The following EPC2 variants were observed in gnomAD, a reference collection of about 807,000 sequenced individuals.
EPC2 encodes enhancer of polycomb homolog 2.
EPC2 carries 14 observed loss-of-function variants against 92.1 expected under a neutral mutation model. The observed-to-expected ratio is 0.15, with a 90% CI of 0.10 to 0.24. EPC2 has a LOEUF of 0.24. Among genes scored for constraint, EPC2 ranks in the 10% least tolerant of loss-of-function variants. The pLI, the probability that EPC2 is intolerant of heterozygous loss-of-function variation, is 1.00. For synonymous variants in EPC2, 340 were observed against 334.7 expected (o/e 1.02, Z -0.17); for missense variants, 755 against 971.5 (o/e 0.78, Z 2.96).
intron 2 of EPC2, among the ~76,000 whole-genome samples, chr2:148,738,768 C>G (rs1682817860): frequency 6.6e-6 from 1 of 152,176 alleles, no homozygotes; most frequent in Non-Finnish European, 1.5e-5. Context: ...ACATTCCTTT[C>G]TCTTCTGCTT....
intron 1 of EPC2, among the ~76,000 whole-genome samples, chr2:148,652,469 TA>T (rs1680706671): frequency 1.3e-5 from 2 of 152,232 alleles, no homozygotes; most frequent in African/African-American, 2.4e-5. Context: ...TCACACTTAT[TA>T]ATTTTCAAAG....
intron 10 of EPC2, among the ~76,000 whole-genome samples, chr2:148,773,979 T>A (rs1683574657): frequency 6.6e-6 from 1 of 152,052 alleles, no homozygotes. Flanking sequence ...TTGTTCTTAG[T>A]GGGCTTGGTC....
intron 2 of EPC2, 65 bp downstream of exon 2, chr2:148,690,438 C>G: frequency 3.5e-6 from 5 of 1,419,246 alleles, no homozygotes; most frequent in Non-Finnish European, 3.8e-6. Flanking sequence ...GAAATCTTTT[C>G]TTTTGTCTAA....
rs539636699 is a variant in EPC2, at chr2:148,752,592, G to A, written c.460-1335G>A. Among the ~76,000 whole-genome samples, 9 of 152,274 alleles carry A rather than the reference G, an allele frequency of 5.9e-5. No homozygotes were observed. The East Asian group carries it at 1.7e-3, about 29-fold the overall frequency. ...TAAGAGATTGGGTAACCATAGAATG[G>A]CCACTTAGTATTTTAATGCACTAAA... On this transcript the variant is annotated intron_variant, in intron 3 of 13. Transcript: ENST00000258484.
chr2:148,649,632 G>A (rs903397937), intron 1 of EPC2, among the ~76,000 whole-genome samples: 3 of 152,072 alleles, frequency 2.0e-5, no homozygotes, highest in African/African-American at 7.2e-5. Flanking sequence ...AGCCCTGTGA[G>A]GTATTACCAT....
intron 2 of EPC2, among the ~76,000 whole-genome samples, chr2:148,707,154 T>A (rs996184166): frequency 6.6e-6 from 1 of 152,104 alleles, no homozygotes; most frequent in East Asian, 1.9e-4. Flanking sequence ...TGGAGGAAGA[T>A]CTACCAAGCA....
chr2:148,776,016 C>T (rs182478555), intron 10 of EPC2, among the ~76,000 whole-genome samples: 5,651 of 151,948 alleles, frequency 0.037, 140 homozygotes, highest in Middle Eastern at 0.054. Flanking sequence ...CTCCTGACCT[C>T]GTGATCCGCC....
intron 2 of EPC2, among the ~76,000 whole-genome samples, chr2:148,701,635 T>C (rs1223047694): frequency 1.3e-5 from 2 of 152,226 alleles, no homozygotes; most frequent in Non-Finnish European, 2.9e-5. Flanking sequence ...GCTATAATAA[T>C]ACTTTGTTGA....
intron 2 of EPC2, among the ~76,000 whole-genome samples, chr2:148,705,328 A>G (rs993334211): frequency 2.0e-5 from 3 of 152,138 alleles, no homozygotes; most frequent in Admixed American, 2.0e-4. Flanking sequence ...CCCTACTAAC[A>G]GTAGTTGAGT....
At chr2:148,712,731 AC>A (rs1196732814) in intron 2 of EPC2, among the ~76,000 whole-genome samples, 1 of 152,014 alleles carries the variant, frequency 6.6e-6, no homozygotes, top group Non-Finnish European at 1.5e-5. Context: ...AAAAATGAAA[AC>A]AATAGCCAGG....
intron 1 of EPC2, among the ~76,000 whole-genome samples, chr2:148,681,370 T>C (rs573645328): frequency 2.0e-5 from 3 of 152,206 alleles, no homozygotes; most frequent in African/African-American, 7.2e-5. Flanking sequence ...GGGAGGGGGC[T>C]GTGTGGAGAA....
intron 2 of EPC2, among the ~76,000 whole-genome samples, chr2:148,726,005 T>C (rs1442036401): frequency 1.3e-5 from 2 of 152,206 alleles, no homozygotes; most frequent in Non-Finnish European, 2.9e-5. Flanking sequence ...TTCTGCTTTT[T>C]GTTTTTAAGA....
At chr2:148,755,567 A>G (rs551131819) in intron 4 of EPC2, among the ~76,000 whole-genome samples, 35 of 152,214 alleles carry the variant, frequency 2.3e-4, no homozygotes, top group Non-Finnish European at 2.9e-4. Flanking sequence ...TACCTTTTCT[A>G]TGTTTAGATA....
chr2:148,769,146 T>C lies in EPC2; in HGVS notation c.1141-5T>C, dbSNP rs748743412. On this transcript the variant is annotated splice_polypyrimidine_tract_variant and splice_region_variant and intron_variant, in intron 7 of 13. Transcript: ENST00000258484. ...ACTTCTAAATGGAATGCCTCTTTTG[T>C]CTAGGTATTGTCCCCAGTATCAGAA... 6.2e-7 allele frequency: 1 copy of C among 1,606,310 alleles called. No individual in the cohort carries two copies. Among genetic ancestry groups the C allele is most frequent in the African/African-American group, 1.3e-5 (1 of 74,956 alleles).
chr2:148,700,690 C>T (rs1385927390), intron 2 of EPC2, among the ~76,000 whole-genome samples: 8 of 139,874 alleles, frequency 5.7e-5, no homozygotes, highest in Non-Finnish European at 1.1e-4. Context: ...GCCCTTTTTA[C>T]TTTTTTTTTT....
intron 10 of EPC2, among the ~76,000 whole-genome samples, chr2:148,777,056 C>T (rs2105437245): frequency 6.6e-6 from 1 of 151,878 alleles, no homozygotes; most frequent in Non-Finnish European, 1.5e-5. Context: ...GACGGGGTTT[C>T]ACCATGTTGC....
chr2:148,786,103 A>T lies in EPC2; in HGVS notation c.2352-202A>T, dbSNP rs1196767177. Reference sequence around the variant, plus strand: ...TCTTTCCTAAGTAAATAGCCATAATAAAAAAATTAGGAATTAATGGAATTT... The same window carrying T: ...TCTTTCCTAAGTAAATAGCCATAATTAAAAAATTAGGAATTAATGGAATTT... On this transcript the variant is annotated intron_variant, in intron 13 of 13. Coordinates refer to ENST00000258484, the MANE Select transcript of EPC2 (RefSeq NM_015630.4). 2.0e-5 allele frequency among the ~76,000 whole-genome samples: 3 copies of T among 152,306 alleles called. No individual in the cohort carries two copies. The East Asian group carries it at 5.8e-4, about 29-fold the overall frequency.
Position 148,692,176 on chromosome 2 carries a change from T to C in EPC2, c.313+1803T>C, listed in dbSNP as rs879701928. On this transcript the variant is annotated intron_variant, in intron 2 of 13. Coordinates refer to ENST00000258484, the MANE Select transcript of EPC2 (RefSeq NM_015630.4). ...TTTCCTTGGATGTGCTATTGAAGTC[T>C]TCTTTCCCTTCCTATAGCTCATTAA... The C allele has an allele frequency of 1.9e-5, 4 of 214,680 alleles. No individual in the cohort carries two copies. In the Admixed American group the frequency reaches 2.1e-4, roughly 11 times the overall value. The allele number at this position is 214,680 out of a possible 1,614,324, so 13.3% of individuals were successfully genotyped here.
Position 148,766,582 on chromosome 2 carries a change from C to A in EPC2, c.1140+1436C>A, listed in dbSNP as rs144100599. 2.9e-3 allele frequency among the ~76,000 whole-genome samples: 435 copies of A among 152,154 alleles called. 1 individual carries two copies. The highest frequency in any genetic ancestry group is 1.0e-2 in the African/African-American group (415 of 41,502). ...AAGGAATGAGGGATATAGTGCCCTACAAAAGAGTAATTTTCCAGATAGAAA... is the reference window on the plus strand; with the variant it reads ...AAGGAATGAGGGATATAGTGCCCTAAAAAAGAGTAATTTTCCAGATAGAAA... On this transcript the variant is annotated intron_variant, in intron 7 of 13. Coordinates refer to ENST00000258484, the MANE Select transcript of EPC2 (RefSeq NM_015630.4).
Sources: gnomAD v4.1 joint callset for allele counts (sites outside exome capture counted in the v4.1 genomes callset) on GRCh38, gnomAD v4.1.1 for gene constraint, MANE v1.5 for transcripts, NCBI Gene and HGNC (gene_info 2026-07-23, HGNC 2026-07-21) for gene names.